Variants in SIK3 observed in about 807,000 individuals in gnomAD.
The protein encoded by SIK3 is serine/threonine-protein kinase SIK3.
SIK3 carries 28 observed loss-of-function variants against 144.2 expected under a neutral mutation model. The observed-to-expected ratio is 0.19, with a 90% CI of 0.14 to 0.27. SIK3 has a LOEUF of 0.27. Ranked by LOEUF, SIK3 falls within the 10% of genes least tolerant of loss-of-function variation. The pLI, the probability that SIK3 is intolerant of heterozygous loss-of-function variation, is 1.00. For missense variants in SIK3, 1,319 were observed against 1,776.0 expected (o/e 0.74, Z 4.62); for synonymous variants, 686 against 676.3 (o/e 1.01, Z -0.22).
At chr11:116,976,484 C>T (rs144539385) in intron 1 of SIK3, among the ~76,000 whole-genome samples, 2 of 152,368 alleles carry the variant, frequency 1.3e-5, no homozygotes, top group East Asian at 3.9e-4. Context: ...TGAAAAGACT[C>T]TTCTTTCTCC....
At chr11:116,890,851 T>G (rs369780550) in intron 6 of SIK3, among the ~76,000 whole-genome samples, 2 of 151,602 alleles carry the variant, frequency 1.3e-5, no homozygotes, top group Non-Finnish European at 1.5e-5. Context: ...GGTGGGAGAG[T>G]GGGAGCTGGG....
At position 116,873,676 on chromosome 11, in the gene SIK3, G is replaced by A. The variant is rs1327752078; in HGVS notation, c.1582-40C>T. 5 of 1,520,386 alleles carry A rather than the reference G, an allele frequency of 3.3e-6. No homozygotes were observed. In the East Asian group the frequency reaches 9.1e-5, roughly 28 times the overall value. 94.2% of individuals were successfully genotyped at this position (1,520,386 alleles called of 1,614,324 possible). A position where few individuals can be genotyped will look rare whatever the true frequency, so the allele number is the denominator to read the frequency against. On this transcript the variant is annotated intron_variant, in intron 12 of 24. Transcript: ENST00000445177. ...GTGGGGAGGACGGACCATGAGATGA[G>A]GGGAAGGCGGGGAGAAAGGGGCAAG...
At chr11:116,964,609 G>A (rs527609946) in intron 1 of SIK3, among the ~76,000 whole-genome samples, 2 of 152,130 alleles carry the variant, frequency 1.3e-5, no homozygotes, top group African/African-American at 4.8e-5. Flanking sequence ...CTCCAGGCAC[G>A]GTGGCTCATG....
intron 1 of SIK3, among the ~76,000 whole-genome samples, chr11:117,041,583 A>T (rs1031237397): frequency 6.6e-6 from 1 of 152,336 alleles, no homozygotes; most frequent in South Asian, 2.1e-4. Flanking sequence ...AATTGGGAAA[A>T]GTATGATGCC....
At chr11:116,904,436 T>C (rs1945913616) in intron 4 of SIK3, among the ~76,000 whole-genome samples, 1 of 152,200 alleles carries the variant, frequency 6.6e-6, no homozygotes. Flanking sequence ...AATGAAGACC[T>C]TGGACTTCAT....
intron 4 of SIK3, among the ~76,000 whole-genome samples, chr11:116,908,305 C>T (rs1247756269): frequency 1.3e-5 from 2 of 152,058 alleles, no homozygotes; most frequent in Admixed American, 6.6e-5. Flanking sequence ...AGGGAGACCT[C>T]GTCTTCACAA....
At chr11:116,913,231 G>T (rs950050429) in intron 4 of SIK3, among the ~76,000 whole-genome samples, 6 of 151,708 alleles carry the variant, frequency 4.0e-5, no homozygotes, top group African/African-American at 9.7e-5. Context: ...TAATAGAGAA[G>T]TAATGCCAAA....
At chr11:116,884,103 A>C (rs748271091) in intron 6 of SIK3, among the ~76,000 whole-genome samples, 3 of 152,160 alleles carry the variant, frequency 2.0e-5, no homozygotes, top group Non-Finnish European at 4.4e-5. Flanking sequence ...ATGGTGTTAT[A>C]AGGATTGGAA....
chr11:116,901,005 C>A (rs1262356615), intron 4 of SIK3, among the ~76,000 whole-genome samples: 2 of 152,078 alleles, frequency 1.3e-5, no homozygotes, highest in Non-Finnish European at 2.9e-5. Flanking sequence ...GCTGGGATTA[C>A]AGGCATGCAT....
intron 1 of SIK3, among the ~76,000 whole-genome samples, chr11:117,070,787 G>A (rs1232779218): frequency 1.5e-4 from 20 of 130,254 alleles, no homozygotes; most frequent in Non-Finnish European, 2.8e-4. Context: ...AGTTTCACTC[G>A]TGTTGCCCAC....
chr11:116,892,527 A>G (rs1945184243), intron 6 of SIK3, among the ~76,000 whole-genome samples: 1 of 152,228 alleles, frequency 6.6e-6, no homozygotes, highest in Non-Finnish European at 1.5e-5. Flanking sequence ...ATATCACTAT[A>G]TACCTATTAG....
intron 1 of SIK3, among the ~76,000 whole-genome samples, chr11:117,023,597 CAAACAAACAAACA>C (rs1198295206): frequency 2.6e-5 from 1 of 38,236 alleles, no homozygotes; most frequent in Non-Finnish European, 4.6e-5. Flanking sequence ...AACAAACAAA[CAAACAAACAAACA>C]AAAAAAAAAA....
chr11:117,011,464 A>C (rs1053376640), intron 1 of SIK3, among the ~76,000 whole-genome samples: 1 of 152,218 alleles, frequency 6.6e-6, no homozygotes, highest in African/African-American at 2.4e-5. Context: ...GTCCATTGTT[A>C]CACATAACAG....
chr11:116,935,509 T>C (rs1479623514), intron 3 of SIK3, among the ~76,000 whole-genome samples: 2 of 152,206 alleles, frequency 1.3e-5, no homozygotes, highest in African/African-American at 4.8e-5. Flanking sequence ...TTTGTTTTCT[T>C]ATGGCTTCTT....
chr11:117,034,516 T>C lies in SIK3; in HGVS notation c.273+63627A>G, dbSNP rs553356983. ...GATCACTTTTTAGCATGCCCTCAAG[T>C]AAGTCGGCCAAAACATAATGAGATC... On this transcript the variant is annotated intron_variant, in intron 1 of 24. Coordinates refer to ENST00000445177, the MANE Select transcript of SIK3 (RefSeq NM_001366686.3). Among the ~76,000 whole-genome samples the C allele has an allele frequency of 7.2e-4, 109 of 152,282 alleles. 1 individual carries two copies. The highest frequency in any genetic ancestry group is 2.5e-3 in the African/African-American group (102 of 41,568).
chr11:116,973,170 G>A (rs960842018), intron 1 of SIK3, among the ~76,000 whole-genome samples: 14 of 152,130 alleles, frequency 9.2e-5, no homozygotes, highest in African/African-American at 3.1e-4. Flanking sequence ...GCCATGCCAG[G>A]ACTCAAGACC....
chr11:116,938,163 C>A (rs1451214520), intron 3 of SIK3, among the ~76,000 whole-genome samples: 1 of 130,430 alleles, frequency 7.7e-6, no homozygotes, highest in Admixed American at 8.7e-5. Flanking sequence ...TGAGTTCACA[C>A]CACTGCACTC....
At chr11:116,894,805 T>C (rs1000759094) in intron 6 of SIK3, among the ~76,000 whole-genome samples, 1 of 152,182 alleles carries the variant, frequency 6.6e-6, no homozygotes, top group Non-Finnish European at 1.5e-5. Flanking sequence ...ACCATCTCCA[T>C]CTCGACACCC....
At chr11:116,982,974 T>C (rs1950201859) in intron 1 of SIK3, among the ~76,000 whole-genome samples, 2 of 132,208 alleles carry the variant, frequency 1.5e-5, no homozygotes, top group Non-Finnish European at 3.3e-5. Context: ...AAAAAATTTC[T>C]GACCCGAGGG....
Sources: allele counts gnomAD v4.1 joint callset (sites outside exome capture counted in the v4.1 genomes callset), GRCh38; gene constraint gnomAD v4.1.1; transcripts MANE v1.5; gene names NCBI Gene and HGNC (gene_info 2026-07-23, HGNC 2026-07-21).